Variants in OLA1 observed in about 807,000 individuals in gnomAD.
OLA1 encodes Obg like ATPase 1.
In OLA1, 14 loss-of-function variants were observed where a neutral mutation model predicts 48.4. The ratio of observed to expected loss-of-function variants is 0.29; its 90% CI spans 0.19 to 0.45. OLA1 has a LOEUF of 0.45. OLA1 is among the 20% of genes least tolerant of loss of function. The probability of loss-of-function intolerance (pLI) is 1.00; values close to 1 mark genes in which losing one functional copy is unlikely to be tolerated. For missense variants in OLA1, 325 were observed against 467.1 expected (o/e 0.70, Z 2.80); for synonymous variants, 127 against 150.4 (o/e 0.84, Z 1.14).
Position 174,170,156 on chromosome 2 carries a change from C to T in OLA1, c.374-28156G>A, listed in dbSNP as rs546756338. ...GCTGAGGCAGGAGAATGGCGTGAAC[C>T]CGGGAGGCGGAACTTGCAGTGAGCC... On this transcript the variant is annotated intron_variant, in intron 4 of 10. Transcript: ENST00000284719. 3.9e-5 allele frequency among the ~76,000 whole-genome samples: 6 copies of T among 152,200 alleles called. No homozygotes were observed. The South Asian group carries it at 8.3e-4, about 21-fold the overall frequency.
At chr2:174,137,985 G>GAC (rs1337356858) in intron 5 of OLA1, among the ~76,000 whole-genome samples, 1 of 152,194 alleles carries the variant, frequency 6.6e-6, no homozygotes. Context: ...AACACAGTGA[G>GAC]ACACCATGTC....
At chr2:174,110,639 G>T (rs1023399782) in intron 7 of OLA1, among the ~76,000 whole-genome samples, 1 of 151,074 alleles carries the variant, frequency 6.6e-6, no homozygotes, top group African/African-American at 2.4e-5. Context: ...TAGAGGCAGG[G>T]TCCCACTATA....
chr2:174,132,498 G>T (rs1686207243), intron 5 of OLA1, among the ~76,000 whole-genome samples: 1 of 151,922 alleles, frequency 6.6e-6, no homozygotes, highest in African/African-American at 2.4e-5. Flanking sequence ...TAAATGTATA[G>T]AACTTGAGTT....
At chr2:174,187,259 C>T (rs1687677461) in intron 4 of OLA1, among the ~76,000 whole-genome samples, 1 of 152,156 alleles carries the variant, frequency 6.6e-6, no homozygotes, top group Non-Finnish European at 1.5e-5. Context: ...CAGAACAAGT[C>T]TATATTGCTC....
At chr2:174,117,808 C>T (rs1051399391) in intron 7 of OLA1, among the ~76,000 whole-genome samples, 4 of 152,140 alleles carry the variant, frequency 2.6e-5, no homozygotes, top group Non-Finnish European at 5.9e-5. Flanking sequence ...AAATCCTTCC[C>T]GAGGTCCTGC....
rs143144358 is a variant in OLA1 at position 174,091,868 on chromosome 2, T to C, written c.729-9804A>G. On this transcript the variant is annotated intron_variant, in intron 7 of 10. Coordinates refer to ENST00000284719, the MANE Select transcript of OLA1 (RefSeq NM_013341.5). ...GCCTGGGAGACAGCGAGACTCTGCC[T>C]CAAAAAAAAAAAAAAAAAAAAAAAA... Among the ~76,000 whole-genome samples, 287 of 14,710 alleles carry C rather than the reference T, an allele frequency of 0.02. 9 individuals carry two copies. In the East Asian group the frequency reaches 0.25, roughly 13 times the overall value. The allele number at this position is 14,710 out of a possible 152,430, so 9.7% of individuals were successfully genotyped here.
intron 10 of OLA1, among the ~76,000 whole-genome samples, chr2:174,078,352 A>G (rs1406444381): frequency 1.3e-5 from 2 of 151,988 alleles, no homozygotes; most frequent in Non-Finnish European, 2.9e-5. Context: ...TAAATCAAAC[A>G]AAATTAATTT....
intron 5 of OLA1, among the ~76,000 whole-genome samples, chr2:174,136,006 A>G (rs887604397): frequency 1.3e-5 from 2 of 152,254 alleles, no homozygotes; most frequent in Admixed American, 6.5e-5. Context: ...TACAAAAACA[A>G]TGTATAAACC....
At chr2:174,163,866 A>G (rs1414731659) in intron 4 of OLA1, among the ~76,000 whole-genome samples, 2 of 150,320 alleles carry the variant, frequency 1.3e-5, no homozygotes, top group Non-Finnish European at 3.0e-5. Context: ...AACCACATAG[A>G]CTGTTTAAAA....
intron 4 of OLA1, among the ~76,000 whole-genome samples, chr2:174,171,354 C>T (rs1428468074): frequency 7.9e-5 from 12 of 151,976 alleles, no homozygotes; most frequent in Admixed American, 7.9e-4. Context: ...GTTCATTTGG[C>T]CCAGACTACG....
intron 2 of OLA1, among the ~76,000 whole-genome samples, chr2:174,244,010 G>T (rs915946687): frequency 1.3e-5 from 2 of 152,212 alleles, no homozygotes; most frequent in African/African-American, 4.8e-5. Context: ...AATTACAGGA[G>T]AGACAGGAAA....
intron 4 of OLA1, among the ~76,000 whole-genome samples, chr2:174,176,375 A>G (rs1421746672): frequency 1.3e-5 from 2 of 152,158 alleles, no homozygotes; most frequent in African/African-American, 2.4e-5. Context: ...TTGCTGTTAA[A>G]TGAATTTCAA....
intron 4 of OLA1, among the ~76,000 whole-genome samples, chr2:174,208,133 G>C (rs1688158568): frequency 6.6e-6 from 1 of 152,094 alleles, no homozygotes; most frequent in Admixed American, 6.6e-5. Context: ...TGATGTTACT[G>C]CTGGGAGAAG....
At chr2:174,079,717 T>C (rs1434814222) in intron 9 of OLA1, among the ~76,000 whole-genome samples, 1 of 151,966 alleles carries the variant, frequency 6.6e-6, no homozygotes, top group East Asian at 1.9e-4. Flanking sequence ...TACAAGGATA[T>C]ATATTCCACA....
intron 4 of OLA1, among the ~76,000 whole-genome samples, chr2:174,143,975 G>A (rs1005631882): frequency 1.3e-5 from 2 of 150,628 alleles, no homozygotes; most frequent in Admixed American, 6.6e-5. Context: ...ATGGTGGTAT[G>A]CGCTTATACT....
chr2:174,109,896 A>G (rs145314386), intron 7 of OLA1, among the ~76,000 whole-genome samples: 2 of 152,210 alleles, frequency 1.3e-5, no homozygotes, highest in African/African-American at 4.8e-5. Context: ...TTTTGTACCT[A>G]TCACCCAGGT....
intron 4 of OLA1, among the ~76,000 whole-genome samples, chr2:174,206,253 T>C (rs1688111885): frequency 6.6e-6 from 1 of 152,176 alleles, no homozygotes; most frequent in South Asian, 2.1e-4. Context: ...TGATGCTAAG[T>C]TGGGCACAGT....
chr2:174,229,863 T>C (rs759810207), intron 2 of OLA1, among the ~76,000 whole-genome samples: 4 of 152,226 alleles, frequency 2.6e-5, no homozygotes, highest in Non-Finnish European at 5.9e-5. Flanking sequence ...TCAATGACTT[T>C]CCAAAAACTC....
At chr2:174,076,291 G>T (rs537330930) in intron 10 of OLA1, among the ~76,000 whole-genome samples, 12 of 152,082 alleles carry the variant, frequency 7.9e-5, no homozygotes, top group African/African-American at 2.7e-4. Flanking sequence ...TTAGTCCATG[G>T]CATGAACTTT....
Sources: gnomAD v4.1 joint callset for allele counts (sites outside exome capture counted in the v4.1 genomes callset) on GRCh38, gnomAD v4.1.1 for gene constraint, MANE v1.5 for transcripts, NCBI Gene and HGNC (gene_info 2026-07-23, HGNC 2026-07-21) for gene names.